Variants in GPR158 observed in about 807,000 individuals in gnomAD.
The protein encoded by GPR158 is metabotropic glycine receptor.
Under a neutral mutation model 78.2 loss-of-function variants are expected in GPR158, and 30 were observed. The ratio of observed to expected loss-of-function variants is 0.38; its 90% CI spans 0.29 to 0.52. The LOEUF (loss-of-function observed/expected upper bound fraction) is 0.52, where lower values mean the gene tolerates loss of function less well. GPR158 is among the 20% of genes least tolerant of loss of function. The probability of loss-of-function intolerance (pLI) is 0.83; values close to 1 mark genes in which losing one functional copy is unlikely to be tolerated. For missense variants in GPR158, 1,463 were observed against 1,523.5 expected, an observed-to-expected ratio of 0.96 and a Z score of 0.66; for synonymous variants, 581 against 591.1, an observed-to-expected ratio of 0.98 and a Z score of 0.25.
chr10:25,351,154 T>C (rs1855461395), intron 2 of GPR158, among the ~76,000 whole-genome samples: 1 of 151,934 alleles, frequency 6.6e-6, no homozygotes. Context: ...ACATATAAAC[T>C]CTCAACCTTT....
chr10:25,219,262 T>C (rs954854275), intron 1 of GPR158, among the ~76,000 whole-genome samples: 3 of 152,240 alleles, frequency 2.0e-5, no homozygotes, highest in African/African-American at 7.2e-5. Context: ...AAATGTCTTA[T>C]GCCTTTTACT....
intron 2 of GPR158, among the ~76,000 whole-genome samples, chr10:25,229,594 A>G (rs1210874945): frequency 6.6e-6 from 1 of 152,202 alleles, no homozygotes; most frequent in Admixed American, 6.5e-5. Context: ...ACTTATTTAT[A>G]ATCATACAAA....
chr10:25,314,246 G>A (rs971487561), intron 2 of GPR158, among the ~76,000 whole-genome samples: 2 of 151,892 alleles, frequency 1.3e-5, no homozygotes, highest in Non-Finnish European at 2.9e-5. Context: ...GACTACATGC[G>A]TGCACCACTG....
rs546503119 is a variant in GPR158 at position 25,449,769 on chromosome 10, T to C, written c.1336-16882T>C. Reference sequence around the variant, plus strand: ...CAAAAAATGTATGTGAGGTAATGGATATGCTAATTAGCTTGATTTAGCCCT... The same window carrying C: ...CAAAAAATGTATGTGAGGTAATGGACATGCTAATTAGCTTGATTTAGCCCT... On this transcript the variant is annotated intron_variant, in intron 4 of 10. Coordinates refer to ENST00000376351, the MANE Select transcript of GPR158 (RefSeq NM_020752.3). 3.3e-5 allele frequency among the ~76,000 whole-genome samples: 5 copies of C among 152,312 alleles called. No individual in the cohort carries two copies. The East Asian group carries it at 9.6e-4, about 29-fold the overall frequency.
At chr10:25,529,573 C>T (rs887764052) in intron 5 of GPR158, among the ~76,000 whole-genome samples, 4 of 152,114 alleles carry the variant, frequency 2.6e-5, no homozygotes, top group Non-Finnish European at 4.4e-5. Flanking sequence ...ACTTGTGCTT[C>T]ATTATTTTAC....
At chr10:25,270,274 A>G (rs1463746809) in intron 2 of GPR158, among the ~76,000 whole-genome samples, 1 of 152,180 alleles carries the variant, frequency 6.6e-6, no homozygotes, top group Non-Finnish European at 1.5e-5. Context: ...AGAATTGTAT[A>G]GATTCTTTGG....
At chr10:25,447,810 A>G (rs1172062291) in intron 4 of GPR158, among the ~76,000 whole-genome samples, 4 of 151,964 alleles carry the variant, frequency 2.6e-5, no homozygotes, top group African/African-American at 9.7e-5. Context: ...TGGAAGTATA[A>G]TTTACACAGA....
chr10:25,356,558 A>G (rs910784757), intron 2 of GPR158, among the ~76,000 whole-genome samples: 9 of 152,158 alleles, frequency 5.9e-5, no homozygotes, highest in African/African-American at 2.2e-4. Flanking sequence ...CATGCTGTTC[A>G]TGTGATAGTA....
intron 4 of GPR158, among the ~76,000 whole-genome samples, chr10:25,431,620 T>C (rs6482480): frequency 0.68 from 88,005 of 129,736 alleles, 31,214 homozygotes; most frequent in Non-Finnish European, 0.79. Context: ...AAATGTCCAA[T>C]AATGATAGAC....
intron 2 of GPR158, among the ~76,000 whole-genome samples, chr10:25,315,380 T>G (rs58467596): frequency 6.6e-6 from 1 of 151,992 alleles, no homozygotes; most frequent in African/African-American, 2.4e-5. Flanking sequence ...ATGTTTAATG[T>G]CTTTTTTGTT....
chr10:25,323,097 G>A (rs373551607), intron 2 of GPR158, among the ~76,000 whole-genome samples: 33 of 151,986 alleles, frequency 2.2e-4, no homozygotes, highest in African/African-American at 3.1e-4. Context: ...TGCCTGCCTC[G>A]TCCTCCCAAA....
intron 6 of GPR158, among the ~76,000 whole-genome samples, chr10:25,558,174 G>A (rs777307332): frequency 6.6e-6 from 1 of 152,222 alleles, no homozygotes; most frequent in Non-Finnish European, 1.5e-5. Flanking sequence ...TGAAACCCAA[G>A]ATTTTTTGTT....
chr10:25,240,750 A>G (rs1036253247), intron 2 of GPR158, among the ~76,000 whole-genome samples: 6 of 152,242 alleles, frequency 3.9e-5, no homozygotes, highest in African/African-American at 1.4e-4. Context: ...AAATATGCAT[A>G]TCAGAATTTA....
At chr10:25,241,476 A>C (rs2130708956) in intron 2 of GPR158, among the ~76,000 whole-genome samples, 1 of 147,964 alleles carries the variant, frequency 6.8e-6, no homozygotes, top group South Asian at 2.1e-4. Context: ...GCTGGAGCAC[A>C]GTGGTGTGAT....
intron 6 of GPR158, 96 bp downstream of exon 6, chr10:25,551,181 G>T: frequency 2.7e-6 from 2 of 736,842 alleles, no homozygotes; most frequent in Middle Eastern, 2.4e-4. Flanking sequence ...AAATGGCTCA[G>T]TTTCAAGAAT....
chr10:25,392,092 G>A (rs1834307204), intron 2 of GPR158, among the ~76,000 whole-genome samples: 1 of 152,164 alleles, frequency 6.6e-6, no homozygotes, highest in African/African-American at 2.4e-5. Context: ...CCAGCCATGT[G>A]GAACTGTGAG....
chr10:25,301,759 G>T (rs781251325), intron 2 of GPR158, among the ~76,000 whole-genome samples: 2 of 152,082 alleles, frequency 1.3e-5, no homozygotes, highest in African/African-American at 4.8e-5. Flanking sequence ...GATAGTTTAC[G>T]TATAATGAAA....
intron 5 of GPR158, among the ~76,000 whole-genome samples, chr10:25,495,602 T>C (rs2130652205): frequency 6.6e-6 from 1 of 152,212 alleles, no homozygotes; most frequent in Middle Eastern, 3.4e-3. Flanking sequence ...CTGACTTTTT[T>C]TTAATGTTGT....
intron 2 of GPR158, among the ~76,000 whole-genome samples, chr10:25,237,728 T>A (rs1165505097): frequency 6.6e-6 from 1 of 152,024 alleles, no homozygotes; most frequent in Non-Finnish European, 1.5e-5. Context: ...AAACAGTGAG[T>A]TTTACTCACT....
Sources: gnomAD v4.1 joint callset for allele counts (sites outside exome capture counted in the v4.1 genomes callset) on GRCh38, gnomAD v4.1.1 for gene constraint, MANE v1.5 for transcripts, NCBI Gene and HGNC (gene_info 2026-07-23, HGNC 2026-07-21) for gene names.